Variants in BCR observed in about 807,000 individuals in gnomAD.
BCR encodes BCR activator of RhoGEF and GTPase.
A neutral mutation model predicts 138.6 loss-of-function variants in BCR; 58 were observed. The observed-to-expected ratio is 0.42, with a 90% CI of 0.34 to 0.52. The LOEUF (loss-of-function observed/expected upper bound fraction) is 0.52. Among genes scored for constraint, BCR ranks in the 20% least tolerant of loss-of-function variants. The probability of loss-of-function intolerance (pLI) is 0.06; values close to 1 mark genes in which losing one functional copy is unlikely to be tolerated. For synonymous variants in BCR, 786 were observed against 730.1 expected (o/e 1.08, Z -1.23); for missense variants, 1,599 against 1,727.2 (o/e 0.93, Z 1.32).
At chr22:23,266,739 G>A (rs1386870807) in intron 4 of BCR, among the ~76,000 whole-genome samples, 1 of 152,222 alleles carries the variant, frequency 6.6e-6, no homozygotes, top group Non-Finnish European at 1.5e-5. Flanking sequence ...GTTTCCTCAG[G>A]AATAGCCTCA....
intron 1 of BCR, among the ~76,000 whole-genome samples, chr22:23,231,585 T>A (rs765852970): frequency 1.3e-5 from 2 of 150,922 alleles, no homozygotes; most frequent in Non-Finnish European, 3.0e-5. Flanking sequence ...GCTGGAGCCA[T>A]GGTGTTAAAA....
At chr22:23,202,111 T>G (rs2146210462) in intron 1 of BCR, among the ~76,000 whole-genome samples, 1 of 152,306 alleles carries the variant, frequency 6.6e-6, no homozygotes, top group East Asian at 1.9e-4. Context: ...ATGGTTTAAT[T>G]TATCTAATTT....
intron 7 of BCR, 115 bp downstream of exon 7, chr22:23,273,248 T>C: frequency 8.8e-7 from 1 of 1,142,646 alleles, no homozygotes. Flanking sequence ...GGGGTGCTAC[T>C]GGCATCTAAT....
chr22:23,200,086 C>CA (rs112561203), intron 1 of BCR, among the ~76,000 whole-genome samples: 6,746 of 103,860 alleles, frequency 0.065, 537 homozygotes, highest in African/African-American at 0.2. Context: ...GACTGCGTCT[C>CA]AAAAAAAAAA....
intron 16 of BCR, among the ~76,000 whole-genome samples, chr22:23,300,388 CT>C (rs2073890768): frequency 6.6e-6 from 1 of 152,218 alleles, no homozygotes; most frequent in African/African-American, 2.4e-5. Context: ...TCAGAATGTC[CT>C]TCCTCTTGAA....
At chr22:23,308,460 C>CACGGG (rs1324735762) in intron 16 of BCR, among the ~76,000 whole-genome samples, 1 of 152,182 alleles carries the variant, frequency 6.6e-6, no homozygotes, top group Non-Finnish European at 1.5e-5. Flanking sequence ...CGCCCACCAC[C>CACGGG]ACGCCCAGCT....
Position 23,254,427 on chromosome 22 carries a change from A to G in BCR, c.1461+447A>G, listed in dbSNP as rs150910844. The G allele has an allele frequency of 2.6e-3, 1,307 of 509,648 alleles. 7 individuals carry two copies. The highest frequency in any genetic ancestry group is 3.0e-3 in the Non-Finnish European group (772 of 253,894). 31.6% of individuals were successfully genotyped at this position (509,648 alleles called of 1,614,324 possible). A position where few individuals can be genotyped will look rare whatever the true frequency, so the allele number is the denominator to read the frequency against. ...GAATTTTCACTTGACCCTCATTAAT[A>G]ATTCTTGGCCTTTCTGTCACTTCCA... On this transcript the variant is annotated intron_variant, in intron 2 of 22. Transcript: ENST00000305877.
In BCR at chr22:23,290,412, A is replaced by G. The variant is rs1209556080; in HGVS notation, c.2781A>G (p.Ser927=). ...VHSATGFKQS[S]NLYCTLEVDS... is the part of the protein sequence containing the mutation. ...CAGCCACTGGATTTAAGCAGAGTTCAAGTAAGTACTGGTTTGGGGAGGAGG... is the reference window on the plus strand; with the variant it reads ...CAGCCACTGGATTTAAGCAGAGTTCGAGTAAGTACTGGTTTGGGGAGGAGG... The change falls in exon 14 of 23, where the codon TCA becomes TCG. Residue 927 remains serine, a splice_region_variant and synonymous_variant. Transcript: ENST00000305877. 6.2e-7 allele frequency: 1 copy of G among 1,613,880 alleles called. No homozygotes were observed. Among genetic ancestry groups the G allele is most frequent in the South Asian group, 1.1e-5 (1 of 91,078 alleles).
At chr22:23,208,810 G>A (rs1357165704) in intron 1 of BCR, among the ~76,000 whole-genome samples, 3 of 151,842 alleles carry the variant, frequency 2.0e-5, no homozygotes, top group Non-Finnish European at 2.9e-5. Flanking sequence ...AACTGAGATC[G>A]GTCCACTGCA....
chr22:23,256,121 C>T (rs1301696503), intron 2 of BCR, among the ~76,000 whole-genome samples: 1 of 152,240 alleles, frequency 6.6e-6, no homozygotes, highest in African/African-American at 2.4e-5. Context: ...GGTTTGAAGA[C>T]ATGGCTGTCG....
At chr22:23,196,101 A>G (rs534926356) in intron 1 of BCR, among the ~76,000 whole-genome samples, 1 of 152,340 alleles carries the variant, frequency 6.6e-6, no homozygotes, top group South Asian at 2.1e-4. Context: ...TAAAATACAC[A>G]TACTCTAAAA....
chr22:23,297,390 T>C (rs1217393353), intron 16 of BCR, among the ~76,000 whole-genome samples: 5 of 152,032 alleles, frequency 3.3e-5, no homozygotes, highest in African/African-American at 7.3e-5. Flanking sequence ...CACATGTGCT[T>C]TCCCATTCGG....
chr22:23,315,796 C>A lies in BCR; in HGVS notation c.*274C>A. The A allele has an allele frequency of 1.9e-6, 1 of 528,594 alleles. No individual in the cohort carries two copies. Among genetic ancestry groups the A allele is most frequent in the East Asian group, 3.5e-5 (1 of 28,312 alleles). The allele number at this position is 528,594 out of a possible 1,614,324, so 32.7% of individuals were successfully genotyped here. On this transcript the variant is annotated 3_prime_UTR_variant, in exon 23 of 23. Transcript: ENST00000305877. The stretch of plus-strand genomic sequence containing the variant: ...TTCATCTCGGAGTCCAGGCCTGGCC[C>A]TGGGAGACAGGGTGAAGGGAGTGGT...
chr22:23,303,032 C>G (rs1415633846), intron 16 of BCR, among the ~76,000 whole-genome samples: 1 of 151,344 alleles, frequency 6.6e-6, no homozygotes, highest in Non-Finnish European at 1.5e-5. Flanking sequence ...CATGGCCCCC[C>G]CCACCCCAAT....
At chr22:23,267,948 G>T (rs2073464059) in intron 4 of BCR, among the ~76,000 whole-genome samples, 1 of 152,216 alleles carries the variant, frequency 6.6e-6, no homozygotes, top group African/African-American at 2.4e-5. Context: ...GCCGGACTTG[G>T]CATTTCTTAT....
intron 1 of BCR, among the ~76,000 whole-genome samples, chr22:23,214,112 T>C (rs986425065): frequency 6.6e-6 from 1 of 152,116 alleles, no homozygotes; most frequent in African/African-American, 2.4e-5. Flanking sequence ...TAACATTTGT[T>C]ATTCTCATTT....
At position 23,253,796 on chromosome 22, in the gene BCR, C is replaced by T; in HGVS notation, c.1280-3C>T. 1 of 1,609,390 alleles carries T rather than the reference C, an allele frequency of 6.2e-7. No individual in the cohort carries two copies. Among genetic ancestry groups the T allele is most frequent in the Non-Finnish European group, 8.5e-7 (1 of 1,177,400 alleles). On this transcript the variant is annotated splice_region_variant and splice_polypyrimidine_tract_variant and intron_variant, in intron 1 of 22. Transcript: ENST00000305877. ...AACACAGGATGCTTCTTTGCACACA[C>T]AGATGGCTCGTTCGGAACACCACCT...
In BCR at chr22:23,314,639, G is replaced by A. The variant is rs746606102; in HGVS notation, c.3651G>A (p.Lys1217=). The A allele has an allele frequency of 8.7e-6, 14 of 1,611,966 alleles. No homozygotes were observed. Among genetic ancestry groups the A allele is most frequent in the Non-Finnish European group, 1.1e-5 (13 of 1,179,848 alleles). Residue 1217 remains lysine (K), a synonymous_variant, in exon 22 of 23, where the codon AAG becomes AAA. Coordinates refer to ENST00000305877, the MANE Select transcript of BCR (RefSeq NM_004327.4). ...CCACGCTGCTCCGGCCCTCCGAGAA[G>A]GAGAGCAAGCTCCCTGCCAACCCCA... ...FGPTLLRPSE[K]ESKLPANPSQ...
intron 1 of BCR, among the ~76,000 whole-genome samples, chr22:23,214,363 AC>A (rs35670581): frequency 1.3e-5 from 2 of 151,480 alleles, no homozygotes; most frequent in African/African-American, 4.9e-5. Context: ...ATTTCAGATG[AC>A]CCCCCAGTAT....
Sources: gnomAD v4.1 joint callset for allele counts (sites outside exome capture counted in the v4.1 genomes callset) on GRCh38, gnomAD v4.1.1 for gene constraint, MANE v1.5 for transcripts, NCBI Gene and HGNC (gene_info 2026-07-23, HGNC 2026-07-21) for gene names.